FRMPD4: variants seen among roughly 807,000 people sequenced by gnomAD.
The protein encoded by FRMPD4 is FERM and PDZ domain-containing protein 4.
In FRMPD4, 22 loss-of-function variants were observed where a neutral mutation model predicts 94.1. The observed-to-expected ratio is 0.23, with a 90% CI of 0.17 to 0.33. The LOEUF is 0.33. FRMPD4 is among the 10% of genes least tolerant of loss of function. FRMPD4 has a pLI of 1.00. For missense variants in FRMPD4, 1,111 were observed against 1,339.9 expected (o/e 0.83, Z 2.67); for synonymous variants, 631 against 548.6 (o/e 1.15, Z -2.10).
chrX:12,391,498 C>T (rs2056474545), intron 1 of FRMPD4, among the ~76,000 whole-genome samples: 1 of 111,835 alleles, frequency 8.9e-6, no homozygotes, highest in Non-Finnish European at 1.9e-5. Flanking sequence ...CTCAATACTG[C>T]TCCTTGTAGA....
At chrX:12,362,928 G>A (rs1191860161) in intron 1 of FRMPD4, among the ~76,000 whole-genome samples, 1 of 111,863 alleles carries the variant, frequency 8.9e-6, no homozygotes, top group Non-Finnish European at 1.9e-5. Context: ...TCTCATTGTG[G>A]TTTTGATTTG....
chrX:12,296,562 G>A (rs141120043), intron 1 of FRMPD4, among the ~76,000 whole-genome samples: 1 of 112,006 alleles, frequency 8.9e-6, no homozygotes, highest in African/African-American at 3.2e-5. Flanking sequence ...CAGCAATACA[G>A]ACCTGAGTCA....
At chrX:12,494,180 G>T (rs769083613) in intron 1 of FRMPD4, among the ~76,000 whole-genome samples, 2 of 112,042 alleles carry the variant, frequency 1.8e-5, no homozygotes, top group Admixed American at 9.4e-5. Flanking sequence ...TTATCTTCTT[G>T]TAACAGTCCT....
chrX:11,831,048 T>C (rs2053471869), intron 1 of FRMPD4, among the ~76,000 whole-genome samples: 3 of 109,416 alleles, frequency 2.7e-5, no homozygotes, highest in Admixed American at 2.0e-4. Flanking sequence ...ACCAAGAAAT[T>C]GTCACATAAA....
intron 1 of FRMPD4, among the ~76,000 whole-genome samples, chrX:12,238,785 A>G (rs186298375): frequency 8.0e-4 from 90 of 112,290 alleles, no homozygotes; most frequent in Non-Finnish European, 1.6e-3. Context: ...CAAATTCACT[A>G]TAAATATTTA....
At chrX:12,593,589 T>A (rs969818861) in intron 2 of FRMPD4, among the ~76,000 whole-genome samples, 2 of 112,365 alleles carry the variant, frequency 1.8e-5, no homozygotes, top group African/African-American at 6.5e-5. Flanking sequence ...TCTGAATTGA[T>A]CATCTATAAA....
chrX:11,868,404 C>A (rs1178593087), intron 2 of FRMPD4, among the ~76,000 whole-genome samples: 2 of 111,896 alleles, frequency 1.8e-5, no homozygotes, highest in Non-Finnish European at 3.8e-5. Flanking sequence ...TGGCTCACAT[C>A]TGGTTATAAG....
intron 1 of FRMPD4, among the ~76,000 whole-genome samples, chrX:12,351,616 C>T (rs2055814827): frequency 8.9e-6 from 1 of 112,759 alleles, no homozygotes; most frequent in East Asian, 2.8e-4. Flanking sequence ...TAGAACAAGA[C>T]ACATAGCATT....
At chrX:12,161,998 T>C (rs11797453) in intron 1 of FRMPD4, among the ~76,000 whole-genome samples, 32,930 of 110,332 alleles carry the variant, frequency 0.3, 3,655 homozygotes, top group South Asian at 0.44. Flanking sequence ...TTTCCTTCAT[T>C]TGGACCCATA....
At chrX:12,005,616 T>G (rs1381451445) in intron 3 of FRMPD4, among the ~76,000 whole-genome samples, 1 of 111,309 alleles carries the variant, frequency 9.0e-6, no homozygotes, top group Non-Finnish European at 1.9e-5. Flanking sequence ...TGAATCATCT[T>G]TCGACAGACA....
At chrX:11,984,696 T>C (rs2054417717) in intron 3 of FRMPD4, among the ~76,000 whole-genome samples, 1 of 112,404 alleles carries the variant, frequency 8.9e-6, no homozygotes, top group South Asian at 3.7e-4. Flanking sequence ...CAAATTGATG[T>C]GGATAGTCTG....
intron 1 of FRMPD4, among the ~76,000 whole-genome samples, chrX:11,845,861 G>C (rs1441604474): frequency 4.6e-5 from 5 of 108,555 alleles, no homozygotes; most frequent in African/African-American, 1.7e-4. Flanking sequence ...AATAAATTAG[G>C]TATTGATGGG....
chrX:12,284,645 C>T (rs1299089392), intron 1 of FRMPD4, among the ~76,000 whole-genome samples: 1 of 111,784 alleles, frequency 8.9e-6, no homozygotes, highest in Non-Finnish European at 1.9e-5. Flanking sequence ...GCACGTCTCC[C>T]ATCTTCCCAT....
intron 1 of FRMPD4, among the ~76,000 whole-genome samples, chrX:12,392,122 C>A (rs1036988801): frequency 9.2e-6 from 1 of 108,958 alleles, no homozygotes; most frequent in African/African-American, 3.3e-5. Context: ...CAACCTCTGC[C>A]CCCACTCCCC....
chrX:12,031,552 A>G (rs1396320056), intron 3 of FRMPD4, among the ~76,000 whole-genome samples: 2 of 111,595 alleles, frequency 1.8e-5, no homozygotes, highest in African/African-American at 6.5e-5. Context: ...CTTAGGAGGC[A>G]TTTAGCAGTG....
At chrX:11,953,441 C>T (rs1176144219) in intron 3 of FRMPD4, among the ~76,000 whole-genome samples, 1 of 110,808 alleles carries the variant, frequency 9.0e-6, no homozygotes, top group African/African-American at 3.3e-5. Context: ...TCTAAGATTC[C>T]TAACCATGGT....
chrX:11,895,725 G>A (rs1029170316), intron 3 of FRMPD4, among the ~76,000 whole-genome samples: 4 of 111,358 alleles, frequency 3.6e-5, no homozygotes, highest in African/African-American at 1.3e-4. Context: ...CTGCCTTTTA[G>A]TCTTCCATTA....
intron 1 of FRMPD4, among the ~76,000 whole-genome samples, chrX:12,257,025 G>T (rs1048594358): frequency 2.7e-5 from 3 of 112,134 alleles, no homozygotes; most frequent in African/African-American, 9.7e-5. Flanking sequence ...CCAAACATTA[G>T]AAATACCATC....
intron 3 of FRMPD4, among the ~76,000 whole-genome samples, chrX:12,056,019 G>A (rs1399439758): frequency 1.8e-5 from 2 of 111,596 alleles, no homozygotes; most frequent in East Asian, 2.8e-4. Context: ...TCTTCTGTTA[G>A]CAGATTGATT....
Sources: gnomAD v4.1 joint callset for allele counts (sites outside exome capture counted in the v4.1 genomes callset) on GRCh38, gnomAD v4.1.1 for gene constraint, MANE v1.5 for transcripts, NCBI Gene and HGNC (gene_info 2026-07-23, HGNC 2026-07-21) for gene names.